NRG1: variants seen among roughly 807,000 people sequenced by gnomAD.
NRG1 encodes pro-neuregulin-1, membrane-bound isoform.
Under a neutral mutation model 63.8 loss-of-function variants are expected in NRG1, and 18 were observed. That is an observed-to-expected ratio of 0.28 (90% confidence interval 0.19 to 0.42). The LOEUF (loss-of-function observed/expected upper bound fraction) is 0.42, where lower values mean the gene tolerates loss of function less well. Ranked by LOEUF, NRG1 falls within the 10% of genes least tolerant of loss-of-function variation. NRG1 has a pLI of 1.00. For synonymous variants in NRG1, 302 were observed against 301.3 expected, an observed-to-expected ratio of 1.00 and a Z score of -0.02; for missense variants, 762 against 814.7, an observed-to-expected ratio of 0.94 and a Z score of 0.79.
intron 1 of NRG1, among the ~76,000 whole-genome samples, chr8:32,566,060 G>A (rs1837377077): frequency 6.6e-6 from 1 of 152,036 alleles, no homozygotes; most frequent in African/African-American, 2.4e-5. Flanking sequence ...TCAGGATCAA[G>A]ACAATGTGTC....
intron 1 of NRG1, among the ~76,000 whole-genome samples, chr8:31,819,361 C>G (rs995806962): frequency 3.3e-5 from 5 of 152,288 alleles, no homozygotes; most frequent in African/African-American, 1.2e-4. Context: ...AATTAAACTC[C>G]TAGACTCTGT....
chr8:32,059,167 T>C (rs1182478941), intron 1 of NRG1, among the ~76,000 whole-genome samples: 1 of 152,076 alleles, frequency 6.6e-6, no homozygotes, highest in Non-Finnish European at 1.5e-5. Context: ...ATTTAGTCAA[T>C]TGCTTAAAAT....
chr8:32,359,456 A>C (rs1279760782), intron 1 of NRG1, among the ~76,000 whole-genome samples: 1 of 152,276 alleles, frequency 6.6e-6, no homozygotes, highest in Non-Finnish European at 1.5e-5. Context: ...TGCTTTGAGA[A>C]GTCCTTGAGT....
At chr8:32,725,537 G>A (rs1233818267) in intron 5 of NRG1, among the ~76,000 whole-genome samples, 1 of 130,800 alleles carries the variant, frequency 7.6e-6, no homozygotes, top group African/African-American at 2.8e-5. Context: ...GTGCGGCAGT[G>A]CAATCTCGGC....
At chr8:32,618,657 A>C (rs2129542148) in intron 5 of NRG1, among the ~76,000 whole-genome samples, 1 of 152,308 alleles carries the variant, frequency 6.6e-6, no homozygotes, top group African/African-American at 2.4e-5. Context: ...GTTCTCAGTA[A>C]ATATGGTTGA....
intron 1 of NRG1, among the ~76,000 whole-genome samples, chr8:32,077,584 T>G (rs925993996): frequency 1.1e-4 from 16 of 152,188 alleles, no homozygotes; most frequent in African/African-American, 3.4e-4. Context: ...ACATTGATCA[T>G]GTATTGCTTT....
intron 1 of NRG1, among the ~76,000 whole-genome samples, chr8:31,932,083 C>T (rs10096222): frequency 4.0e-5 from 6 of 151,740 alleles, no homozygotes; most frequent in African/African-American, 1.5e-4. Flanking sequence ...TCCTTTCCCC[C>T]CAACAGCCCC....
At position 31,871,449 on chromosome 8, in the gene NRG1, A is replaced by G. The variant is rs373322572; in HGVS notation, c.37+232018A>G. 4.6e-5 allele frequency among the ~76,000 whole-genome samples: 7 copies of G among 151,644 alleles called. No homozygotes were observed. The South Asian group carries it at 8.4e-4, about 18-fold the overall frequency. On this transcript the variant is annotated intron_variant, in intron 1 of 10. Coordinates refer to the NRG1 transcript ENST00000519301. ...TCTCGCTTTCCCACTAAATCGCTCC[A>G]TGCAAGGGGAGCCATTTATATTGCA...
At chr8:32,568,385 A>T (rs1275547159) in intron 1 of NRG1, among the ~76,000 whole-genome samples, 2 of 152,204 alleles carry the variant, frequency 1.3e-5, no homozygotes, top group South Asian at 4.1e-4. Context: ...CTAGTTCTTT[A>T]AGTTAAATTT....
At chr8:32,759,285 T>C (rs778737434) in intron 9 of NRG1, 21 bp from the exon 10 acceptor site, 1 of 1,609,828 alleles carries the variant, frequency 6.2e-7, no homozygotes, top group African/African-American at 1.3e-5. Context: ...ATCTTCAAGT[T>C]GTGTCTCTTT....
chr8:32,204,904 A>G (rs1843868406), intron 1 of NRG1, among the ~76,000 whole-genome samples: 1 of 152,234 alleles, frequency 6.6e-6, no homozygotes, highest in Non-Finnish European at 1.5e-5. Flanking sequence ...TCAAAATCAT[A>G]TCTATAGCAA....
intron 1 of NRG1, among the ~76,000 whole-genome samples, chr8:32,159,767 A>T (rs1204620964): frequency 6.6e-6 from 1 of 152,158 alleles, no homozygotes; most frequent in African/African-American, 2.4e-5. Context: ...TAGTATTAGT[A>T]TAATAGTCTT....
chr8:31,744,718 CA>C (rs1815675702), intron 1 of NRG1, among the ~76,000 whole-genome samples: 1 of 151,960 alleles, frequency 6.6e-6, no homozygotes, highest in South Asian at 2.1e-4. Context: ...CTGAAACACA[CA>C]CAGGAAGCTG....
intron 1 of NRG1, among the ~76,000 whole-genome samples, chr8:32,581,844 G>T (rs559612312): frequency 3.5e-4 from 54 of 152,228 alleles, no homozygotes; most frequent in African/African-American, 1.3e-3. Context: ...TCAAAACTAA[G>T]AAATTAACAT....
intron 1 of NRG1, among the ~76,000 whole-genome samples, chr8:32,248,089 C>T (rs1848759275): frequency 6.6e-6 from 1 of 152,096 alleles, no homozygotes; most frequent in Non-Finnish European, 1.5e-5. Context: ...ACATTAACAA[C>T]TAGCTATATG....
chr8:31,863,685 C>T (rs760222619), intron 1 of NRG1, among the ~76,000 whole-genome samples: 15 of 152,184 alleles, frequency 9.9e-5, no homozygotes, highest in African/African-American at 2.4e-4. Context: ...GCCCACTTAC[C>T]GTTCTCAGAA....
chr8:31,684,107 C>A (rs903236828), intron 1 of NRG1, among the ~76,000 whole-genome samples: 1 of 152,114 alleles, frequency 6.6e-6, no homozygotes, highest in African/African-American at 2.4e-5. Flanking sequence ...AGCATCAATA[C>A]CAACTGGATA....
At chr8:32,250,884 A>G (rs1301362575) in intron 1 of NRG1, among the ~76,000 whole-genome samples, 2 of 152,058 alleles carry the variant, frequency 1.3e-5, no homozygotes, top group East Asian at 1.9e-4. Context: ...ATTTGCAGAC[A>G]TGTATACTTA....
chr8:32,489,738 A>G (rs1826327506), intron 1 of NRG1, among the ~76,000 whole-genome samples: 1 of 152,224 alleles, frequency 6.6e-6, no homozygotes. Flanking sequence ...ATAGCTGGCA[A>G]ATATTATGTC....
Sources: allele counts gnomAD v4.1 joint callset (sites outside exome capture counted in the v4.1 genomes callset), GRCh38; gene constraint gnomAD v4.1.1; transcripts MANE v1.5; gene names NCBI Gene and HGNC (gene_info 2026-07-23, HGNC 2026-07-21).